EIF5B: variants seen among roughly 807,000 people sequenced by gnomAD.
EIF5B encodes eIF-5B.
A neutral mutation model predicts 147.5 loss-of-function variants in EIF5B; 47 were observed. That is an observed-to-expected ratio of 0.32 (90% CI 0.25 to 0.41). The LOEUF is 0.41. Ranked by LOEUF, EIF5B falls within the 10% of genes least tolerant of loss-of-function variation. The pLI is 1.00. For synonymous variants in EIF5B, 455 were observed against 456.2 expected, an observed-to-expected ratio of 1.00 and a Z score of 0.03; for missense variants, 1,064 against 1,413.2, an observed-to-expected ratio of 0.75 and a Z score of 3.96.
intron 1 of EIF5B, among the ~76,000 whole-genome samples, chr2:99,354,445 G>A (rs1339775344): frequency 6.6e-6 from 1 of 152,104 alleles, no homozygotes; most frequent in African/African-American, 2.4e-5. Context: ...TAATCCTTGT[G>A]ATTTGGAAAT....
At chr2:99,345,993 T>A (rs948880604) in intron 1 of EIF5B, among the ~76,000 whole-genome samples, 5 of 151,732 alleles carry the variant, frequency 3.3e-5, no homozygotes, top group Non-Finnish European at 7.4e-5. Flanking sequence ...GGGAGTTTGC[T>A]GTTCTCAAAG....
intron 14 of EIF5B, among the ~76,000 whole-genome samples, chr2:99,384,836 T>G (rs772056862): frequency 2.0e-5 from 3 of 152,200 alleles, no homozygotes; most frequent in African/African-American, 4.8e-5. Flanking sequence ...AGAAGCTGCT[T>G]CTTATGGGTG....
intron 4 of EIF5B, among the ~76,000 whole-genome samples, chr2:99,362,205 C>T (rs145745795): frequency 0.011 from 1,673 of 152,220 alleles, 9 homozygotes; most frequent in Middle Eastern, 0.024. Flanking sequence ...TTATGAAATT[C>T]ACAAAGAAAT....
At chr2:99,395,344 T>G (rs1559261720) in intron 21 of EIF5B, among the ~76,000 whole-genome samples, 1 of 152,298 alleles carries the variant, frequency 6.6e-6, no homozygotes, top group East Asian at 1.9e-4. Context: ...CCCTCCTCCT[T>G]TCCCTTTGAG....
intron 21 of EIF5B, among the ~76,000 whole-genome samples, 165 bp from the exon 22 acceptor site, chr2:99,396,595 G>A (rs1167703764): frequency 6.6e-6 from 1 of 152,190 alleles, no homozygotes; most frequent in Admixed American, 6.5e-5. Flanking sequence ...AAGCGCTCTG[G>A]GCATGGGGTG....
intron 1 of EIF5B, 141 bp from the exon 2 acceptor site, chr2:99,360,095 T>G: frequency 1.0e-6 from 1 of 953,284 alleles, no homozygotes; most frequent in Non-Finnish European, 1.5e-6. Flanking sequence ...ATGTAACTTG[T>G]GTTGTAATGA....
chr2:99,350,134 T>A (rs1195322951), intron 1 of EIF5B, among the ~76,000 whole-genome samples: 1 of 152,258 alleles, frequency 6.6e-6, no homozygotes, highest in African/African-American at 2.4e-5. Flanking sequence ...CATTCTTTTT[T>A]ATGGATGAAT....
intron 8 of EIF5B, among the ~76,000 whole-genome samples, chr2:99,369,871 G>C (rs1674409617): frequency 6.6e-6 from 1 of 152,084 alleles, no homozygotes; most frequent in African/African-American, 2.4e-5. Context: ...AGCTACTTGG[G>C]AGGCTGAGGC....
chr2:99,382,930 G>A lies in EIF5B; in HGVS notation c.2271+9G>A, dbSNP rs140863739. 174 of 1,553,892 alleles carry A rather than the reference G, an allele frequency of 1.1e-4. 2 individuals are homozygous for A. The East Asian group carries it at 3.1e-3, about 28-fold the overall frequency. On this transcript the variant is annotated intron_variant, in intron 14 of 23. Coordinates refer to ENST00000289371, the MANE Select transcript of EIF5B (RefSeq NM_015904.4). ...TTGTTGCACTCAATAAGGTATGTGC[G>A]CCTTCTGAAAAATTAACCTAGGAAA...
At chr2:99,381,422 G>A (rs561174361) in intron 12 of EIF5B, among the ~76,000 whole-genome samples, 14 of 151,934 alleles carry the variant, frequency 9.2e-5, no homozygotes, top group Non-Finnish European at 1.6e-4. Flanking sequence ...AATGTTTTAC[G>A]TTGCATTATT....
intron 14 of EIF5B, among the ~76,000 whole-genome samples, chr2:99,383,215 A>G (rs1474975376): frequency 2.0e-5 from 3 of 152,210 alleles, no homozygotes; most frequent in Middle Eastern, 3.4e-3. Flanking sequence ...CAATATTTCA[A>G]ACTTTTTCAT....
At chr2:99,397,029 C>G (rs756397246) in intron 22 of EIF5B, 131 bp downstream of exon 22, 54 of 1,036,128 alleles carry the variant, frequency 5.2e-5, no homozygotes, top group Non-Finnish European at 6.7e-5. Context: ...TCTCCACCTT[C>G]TTAACAAATG....
intron 22 of EIF5B, chr2:99,397,138 G>T: frequency 2.9e-6 from 1 of 347,594 alleles, no homozygotes; most frequent in Non-Finnish European, 5.1e-6. Context: ...AAATATCAGT[G>T]CTCCATAGTC....
Position 99,396,781 on chromosome 2 carries a change from C to T in EIF5B, c.3276C>T (p.Cys1092=). 3 of 1,610,444 alleles carry T rather than the reference C, an allele frequency of 1.9e-6. No individual in the cohort carries two copies. The highest frequency in any genetic ancestry group is 1.7e-4 in the Middle Eastern group (1 of 6,036). The stretch of plus-strand genomic sequence containing the variant: ...TCAGGCACATAGCAGTATTTCCCTG[C>T]AAGATAAAAATCCTCCCTCAGTACA... ...EEFKHIAVFP[C]KIKILPQYIF... The change falls in exon 22 of 24, where the codon TGC becomes TGT. Residue 1092 remains cysteine (C), a synonymous_variant. Transcript: ENST00000289371.
chr2:99,390,217 A>G lies in EIF5B; in HGVS notation c.2404-2A>G. On this transcript the variant is annotated splice_acceptor_variant, in intron 15 of 23. Transcript: ENST00000289371. LOFTEE classifies it high-confidence loss of function. ...GGCATTTTGGATGATTTTTGCTCCT[A>G]GGGTTTGAATGCTGCTTTGTTTTAT... 1 of 1,613,778 alleles carries G rather than the reference A, an allele frequency of 6.2e-7. No individual in the cohort carries two copies. Among genetic ancestry groups the G allele is most frequent in the Non-Finnish European group, 8.5e-7 (1 of 1,179,836 alleles).
intron 14 of EIF5B, among the ~76,000 whole-genome samples, chr2:99,385,229 A>G (rs1044049646): frequency 6.6e-6 from 1 of 152,126 alleles, no homozygotes; most frequent in African/African-American, 2.4e-5. Flanking sequence ...TATTTTTGGT[A>G]GAGATGGGGT....
intron 17 of EIF5B, among the ~76,000 whole-genome samples, chr2:99,391,177 C>T (rs916509849): frequency 6.6e-6 from 1 of 152,030 alleles, no homozygotes; most frequent in Non-Finnish European, 1.5e-5. Context: ...GAAAAGAAAA[C>T]GTGATTAAGA....
chr2:99,398,801 T>A lies in EIF5B; in HGVS notation c.3447T>A (p.Asp1149Glu), dbSNP rs1675127882. Residue 1149 changes from aspartate to glutamate, a missense_variant, in exon 23 of 24, where the codon GAT becomes GAA. This residue lies in a region of EIF5B where 380 missense variants were observed against 715.6 expected (regional missense o/e 0.53). Transcript: ENST00000289371. Reference sequence around the variant, plus strand: ...TTGAAATAAACCATAAACAAGTGGATGTTGCAAAAAAAGGACAAGAAGTTT... The same window carrying A: ...TTGAAATAAACCATAAACAAGTGGAAGTTGCAAAAAAAGGACAAGAAGTTT... The part of the protein sequence containing the change: ...TSIEINHKQV[D>E]VAKKGQEVCV... 3.1e-6 allele frequency: 5 copies of A among 1,613,896 alleles called. No individual in the cohort carries two copies. Among genetic ancestry groups the A allele is most frequent in the Admixed American group, 1.7e-5 (1 of 59,998 alleles).
rs939050190 is a variant in EIF5B, at chr2:99,392,998, C to G, written c.2780C>G (p.Ala927Gly). Residue 927 changes from alanine (A) to glycine (G), a missense_variant, in exon 18 of 24, where the codon GCA (alanine) becomes GGA (glycine). By Grantham distance (60) the Ala-to-Gly change is moderately conservative. Coordinates refer to ENST00000289371, the MANE Select transcript of EIF5B (RefSeq NM_015904.4). Reference protein sequence around the residue: ...NQYEKHKEVEAAQGVKILGKD... With the variant: ...NQYEKHKEVEGAQGVKILGKD... ...TATGAAAAGCATAAAGAAGTAGAAG[C>G]AGCTCAGGGGGTAAAGATTCTTGGA... The G allele has an allele frequency of 6.4e-7, 1 of 1,566,852 alleles. No individual in the cohort carries two copies. Among genetic ancestry groups the G allele is most frequent in the African/African-American group, 1.4e-5 (1 of 72,550 alleles).
Sources: gnomAD v4.1 joint callset for allele counts (sites outside exome capture counted in the v4.1 genomes callset) on GRCh38, gnomAD v4.1.1 for gene constraint, gnomAD v4.1.1 regional missense constraint, MANE v1.5 for transcripts, NCBI Gene and HGNC (gene_info 2026-07-23, HGNC 2026-07-21) for gene names.